Variants in TRPM8 observed in about 807,000 individuals in gnomAD.
The protein encoded by TRPM8 is transient receptor potential cation channel subfamily M member 8, also known as TRPM8 cationic channel.
Under a neutral mutation model 133.7 loss-of-function variants are expected in TRPM8, and 110 were observed. That is an observed-to-expected ratio of 0.82 (90% CI 0.70 to 0.96). The LOEUF (loss-of-function observed/expected upper bound fraction) is 0.96. Among genes scored for constraint, TRPM8 ranks in the 40% least tolerant of loss-of-function variants. TRPM8 has a pLI of 0.00. For missense variants in TRPM8, 1,291 were observed against 1,379.5 expected (o/e 0.94, Z 1.02); for synonymous variants, 535 against 532.3 (o/e 1.01, Z -0.07).
chr2:233,918,599 T>G (rs1559512939), intron 1 of TRPM8, among the ~76,000 whole-genome samples: 1 of 152,150 alleles, frequency 6.6e-6, no homozygotes, highest in Non-Finnish European at 1.5e-5. Context: ...TTGGGGTCAA[T>G]GACTTCGGGA....
chr2:233,953,934 A>G lies in TRPM8; in HGVS notation c.1158A>G (p.Glu386=), dbSNP rs1269170873. The stretch of plus-strand genomic sequence containing the variant: ...TTCGCCAGCTCAAAGAAATTCTCGA[A>G]TGTTCTCACCTATTAACAGTTATTA... The part of the protein sequence containing the change: ...SWIKWLKEIL[E]CSHLLTVIKM... Residue 386 remains glutamate (E), a synonymous_variant, in exon 10 of 26, where the codon GAA becomes GAG. Transcript: ENST00000324695. The G allele has an allele frequency of 1.2e-6, 2 of 1,612,146 alleles. No homozygotes were observed. The highest frequency in any genetic ancestry group is 1.7e-5 in the Admixed American group (1 of 59,584).
intron 1 of TRPM8, among the ~76,000 whole-genome samples, chr2:233,921,014 G>A (rs182563282): frequency 2.0e-5 from 3 of 152,038 alleles, no homozygotes; most frequent in African/African-American, 7.2e-5. Flanking sequence ...CCTTCACCAT[G>A]CCTGGCTAAT....
rs375757945 is a variant in TRPM8 at position 233,938,863 on chromosome 2, G to C, written c.349-135G>C. The C allele has an allele frequency of 6.8e-5, 63 of 927,314 alleles. No individual in the cohort carries two copies. In the Middle Eastern group the frequency reaches 9.6e-4, roughly 14 times the overall value. The allele number at this position is 927,314 out of a possible 1,614,324, so 57.4% of individuals were successfully genotyped here. The stretch of plus-strand genomic sequence containing the variant: ...GCGCCCGCCTGGGACCCCCAATGCC[G>C]CGATCCCTGCTGCCCCCACCCCGCC... On this transcript the variant is annotated intron_variant, in intron 4 of 25. Coordinates refer to ENST00000324695, the MANE Select transcript of TRPM8 (RefSeq NM_024080.5).
chr2:233,980,530 G>T (rs554077180), intron 18 of TRPM8, among the ~76,000 whole-genome samples: 110 of 152,170 alleles, frequency 7.2e-4, no homozygotes, highest in African/African-American at 2.5e-3. Context: ...AAGACTTTGG[G>T]GAGAATTATT....
chr2:234,006,642 G>A (rs1022762576), intron 22 of TRPM8, among the ~76,000 whole-genome samples: 1 of 152,160 alleles, frequency 6.6e-6, no homozygotes, highest in Admixed American at 6.5e-5. Flanking sequence ...ATTTCACACA[G>A]GCAGCTCCAA....
At chr2:233,949,685 T>C (rs966527494) in intron 8 of TRPM8, among the ~76,000 whole-genome samples, 2 of 152,240 alleles carry the variant, frequency 1.3e-5, no homozygotes, top group African/African-American at 4.8e-5. Context: ...AAAGCACTTA[T>C]CTATAGAAAA....
intron 3 of TRPM8, among the ~76,000 whole-genome samples, chr2:233,933,099 C>T (rs1321069906): frequency 6.6e-6 from 1 of 152,032 alleles, no homozygotes; most frequent in African/African-American, 2.4e-5. Context: ...CACCTTCTGG[C>T]ACACTATGGG....
At chr2:233,925,512 A>G (rs1409503635) in intron 1 of TRPM8, among the ~76,000 whole-genome samples, 1 of 152,114 alleles carries the variant, frequency 6.6e-6, no homozygotes, top group Non-Finnish European at 1.5e-5. Context: ...AGGGCTCTGG[A>G]CAGAAGGTGG....
chr2:233,969,916 T>C (rs1473322192), intron 16 of TRPM8, 109 bp downstream of exon 16: 3 of 809,302 alleles, frequency 3.7e-6, no homozygotes, highest in Non-Finnish European at 6.2e-6. Flanking sequence ...GAACTTATGA[T>C]GTTTACATTG....
intron 14 of TRPM8, 84 bp downstream of exon 14, chr2:233,964,841 G>A: frequency 7.0e-7 from 1 of 1,423,946 alleles, no homozygotes; most frequent in Non-Finnish European, 9.4e-7. Flanking sequence ...TAGACCAGAT[G>A]GTGGAGGTCC....
At chr2:233,950,721 C>G (rs1201468174) in intron 9 of TRPM8, among the ~76,000 whole-genome samples, 1 of 152,184 alleles carries the variant, frequency 6.6e-6, no homozygotes, top group Non-Finnish European at 1.5e-5. Context: ...TGGGCAAGGC[C>G]AATATTGCTC....
intron 10 of TRPM8, among the ~76,000 whole-genome samples, chr2:233,954,308 T>C (rs1295594076): frequency 1.3e-5 from 2 of 152,240 alleles, no homozygotes; most frequent in Non-Finnish European, 2.9e-5. Context: ...ATAATTTTTT[T>C]ATTGGGCCTC....
At chr2:233,956,808 C>T (rs530736708) in intron 11 of TRPM8, among the ~76,000 whole-genome samples, 1 of 152,336 alleles carries the variant, frequency 6.6e-6, no homozygotes, top group African/African-American at 2.4e-5. Context: ...ATGAACCCCG[C>T]TGCACATTGC....
intron 19 of TRPM8, among the ~76,000 whole-genome samples, chr2:233,982,707 G>T (rs982456582): frequency 6.6e-6 from 1 of 152,220 alleles, no homozygotes; most frequent in Non-Finnish European, 1.5e-5. Flanking sequence ...GGTTAAAAGT[G>T]TATCAAAATC....
At chr2:233,966,482 C>A (rs771636543) in intron 14 of TRPM8, 128 bp from the exon 15 acceptor site, 56 of 1,151,906 alleles carry the variant, frequency 4.9e-5, no homozygotes, top group East Asian at 7.2e-5. Flanking sequence ...ATTTTCTATG[C>A]CTTTTGTAAG....
intron 21 of TRPM8, among the ~76,000 whole-genome samples, chr2:233,988,479 A>T (rs1478210930): frequency 6.6e-6 from 1 of 152,106 alleles, no homozygotes; most frequent in Non-Finnish European, 1.5e-5. Flanking sequence ...TTGTGGGTTT[A>T]TTCAATGAAT....
At chr2:233,966,484 T>G (rs745971434) in intron 14 of TRPM8, 126 bp from the exon 15 acceptor site, 2 of 1,209,348 alleles carry the variant, frequency 1.7e-6, no homozygotes, top group African/African-American at 3.0e-5. Flanking sequence ...TTTCTATGCC[T>G]TTTGTAAGAA....
rs370542831 is a variant in TRPM8, at chr2:233,970,075, T to C, written c.2139-135T>C. 2.1e-5 allele frequency: 18 copies of C among 858,326 alleles called. No homozygotes were observed. In the African/African-American group the frequency reaches 2.7e-4, roughly 13 times the overall value. The allele number at this position is 858,326 out of a possible 1,614,324, so 53.2% of individuals were successfully genotyped here. ...AAGGATTTAATTGGGGTTGGTTCCA[T>C]CTTAGGACACGGTTTTGCTCCCGTC... On this transcript the variant is annotated intron_variant, in intron 16 of 25. Coordinates refer to ENST00000324695, the MANE Select transcript of TRPM8 (RefSeq NM_024080.5).
At chr2:233,932,180 G>C (rs914378402) in intron 3 of TRPM8, among the ~76,000 whole-genome samples, 1 of 152,250 alleles carries the variant, frequency 6.6e-6, no homozygotes, top group Non-Finnish European at 1.5e-5. Flanking sequence ...TGGCTGAAAA[G>C]CACAGCCAGA....
Sources: gnomAD v4.1 joint callset for allele counts (sites outside exome capture counted in the v4.1 genomes callset) on GRCh38, gnomAD v4.1.1 for gene constraint, MANE v1.5 for transcripts, NCBI Gene and HGNC (gene_info 2026-07-23, HGNC 2026-07-21) for gene names.